The following CTNND2 variants were observed in gnomAD, a reference collection of about 807,000 sequenced individuals.
CTNND2 encodes the protein catenin delta-2.
A neutral mutation model predicts 144.4 loss-of-function variants in CTNND2; 22 were observed. The observed-to-expected ratio is 0.15, with a 90% confidence interval of 0.11 to 0.22. CTNND2 has a LOEUF of 0.22. CTNND2 is among the 10% of genes least tolerant of loss of function. The pLI is 1.00. For synonymous variants in CTNND2, 751 were observed against 695.6 expected (o/e 1.08, Z -1.25); for missense variants, 1,353 against 1,618.8 (o/e 0.84, Z 2.82).
intron 3 of CTNND2, among the ~76,000 whole-genome samples, chr5:11,483,888 C>A (rs1768530209): frequency 6.6e-6 from 1 of 152,180 alleles, no homozygotes; most frequent in South Asian, 2.1e-4. Flanking sequence ...CCTTTTACTG[C>A]CAGGCAGTCC....
At chr5:11,204,545 T>C (rs1396537941) in intron 10 of CTNND2, among the ~76,000 whole-genome samples, 3 of 152,184 alleles carry the variant, frequency 2.0e-5, no homozygotes, top group Non-Finnish European at 4.4e-5. Flanking sequence ...AGTAATGCAA[T>C]AGCACCTATT....
At chr5:11,835,842 G>T (rs529774286) in intron 1 of CTNND2, among the ~76,000 whole-genome samples, 1 of 151,776 alleles carries the variant, frequency 6.6e-6, no homozygotes, top group Non-Finnish European at 1.5e-5. Context: ...CCTTCTTTCT[G>T]TTTGTTTTGG....
At chr5:11,697,978 G>A (rs1785213931) in intron 2 of CTNND2, among the ~76,000 whole-genome samples, 1 of 152,166 alleles carries the variant, frequency 6.6e-6, no homozygotes, top group Non-Finnish European at 1.5e-5. Context: ...GCCACAGATA[G>A]GACCTTGCTT....
intron 9 of CTNND2, among the ~76,000 whole-genome samples, chr5:11,331,220 G>A (rs892771073): frequency 1.3e-5 from 2 of 152,182 alleles, no homozygotes; most frequent in Admixed American, 1.3e-4. Flanking sequence ...AGGGACAAGA[G>A]TACTGTTGGT....
At chr5:11,450,733 A>C (rs1765232927) in intron 3 of CTNND2, among the ~76,000 whole-genome samples, 1 of 151,834 alleles carries the variant, frequency 6.6e-6, no homozygotes, top group Non-Finnish European at 1.5e-5. Flanking sequence ...CCCCGTCCCT[A>C]CTAAAAATGC....
intron 3 of CTNND2, among the ~76,000 whole-genome samples, chr5:11,497,783 T>C (rs1455049777): frequency 6.6e-6 from 1 of 151,968 alleles, no homozygotes; most frequent in Non-Finnish European, 1.5e-5. Context: ...AGGGAAATGG[T>C]TTTGTGATGA....
intron 9 of CTNND2, among the ~76,000 whole-genome samples, chr5:11,262,132 G>A (rs192278321): frequency 1.5e-4 from 23 of 152,122 alleles, no homozygotes; most frequent in South Asian, 2.1e-4. Context: ...AGTTGTTTAC[G>A]TGTAAGATCT....
In CTNND2 at chr5:11,039,415, C is replaced by T. The variant is rs115258330; in HGVS notation, c.2789-16436G>A. Among the ~76,000 whole-genome samples the T allele has an allele frequency of 1.9e-3, 295 of 152,296 alleles. 1 individual carries two copies. The highest frequency in any genetic ancestry group is 6.8e-3 in the African/African-American group (284 of 41,540). ...GCTTTTTCTTTCTGTCTTCCTTTCACACAGTGGACGATGGCTGTGGCAACA... is the reference window on the plus strand; with the variant it reads ...GCTTTTTCTTTCTGTCTTCCTTTCATACAGTGGACGATGGCTGTGGCAACA... On this transcript the variant is annotated intron_variant, in intron 16 of 21. Transcript: ENST00000304623.
chr5:11,684,021 T>C (rs1029984694), intron 2 of CTNND2, among the ~76,000 whole-genome samples: 3 of 152,212 alleles, frequency 2.0e-5, no homozygotes, highest in South Asian at 2.1e-4. Context: ...CCTAATAATA[T>C]ACCATTATGA....
At chr5:11,488,466 C>A (rs991143115) in intron 3 of CTNND2, among the ~76,000 whole-genome samples, 8 of 152,240 alleles carry the variant, frequency 5.3e-5, no homozygotes, top group Middle Eastern at 3.4e-3. Context: ...GGTTCCATTA[C>A]ATATTTTACG....
At chr5:11,686,722 AT>A (rs879874575) in intron 2 of CTNND2, among the ~76,000 whole-genome samples, 10 of 149,882 alleles carry the variant, frequency 6.7e-5, no homozygotes, top group Admixed American at 3.3e-4. Context: ...TGCATATATA[AT>A]TTTTTAACAT....
chr5:11,697,839 T>C (rs981927418), intron 2 of CTNND2, among the ~76,000 whole-genome samples: 6 of 152,132 alleles, frequency 3.9e-5, no homozygotes, highest in Admixed American at 3.3e-4. Flanking sequence ...TAATTTAAAC[T>C]GCAGCCTAAA....
At position 11,465,160 on chromosome 5, in the gene CTNND2, C is replaced by T. The variant is rs145674912; in HGVS notation, c.288-53091G>A. Among the ~76,000 whole-genome samples the T allele has an allele frequency of 4.6e-3, 704 of 152,228 alleles. 5 individuals are homozygous for T. Among genetic ancestry groups the T allele is most frequent in the African/African-American group, 0.016 (652 of 41,532 alleles). ...ATAACTAAGATATTTTACATTTTTG[C>T]AGTAATTGTTCACATTGTTAATAAT... On this transcript the variant is annotated intron_variant, in intron 3 of 21. Transcript: ENST00000304623.
At chr5:11,713,827 A>G (rs1786179930) in intron 2 of CTNND2, among the ~76,000 whole-genome samples, 1 of 152,132 alleles carries the variant, frequency 6.6e-6, no homozygotes, top group Non-Finnish European at 1.5e-5. Flanking sequence ...GACTAAAATA[A>G]ATGGTTTGAA....
intron 1 of CTNND2, among the ~76,000 whole-genome samples, chr5:11,746,272 T>A (rs1326771770): frequency 3.3e-5 from 5 of 152,202 alleles, no homozygotes; most frequent in Non-Finnish European, 7.3e-5. Context: ...CCCTTTACCA[T>A]CACCAAGACT....
chr5:11,798,495 G>A (rs1791517063), intron 1 of CTNND2, among the ~76,000 whole-genome samples: 1 of 151,958 alleles, frequency 6.6e-6, no homozygotes, highest in Non-Finnish European at 1.5e-5. Context: ...TTGGCCAGGT[G>A]CAGTGGCTCA....
At chr5:11,218,995 AG>A (rs1364251376) in intron 10 of CTNND2, among the ~76,000 whole-genome samples, 4 of 152,200 alleles carry the variant, frequency 2.6e-5, no homozygotes, top group African/African-American at 7.2e-5. Flanking sequence ...GCTGGATATG[AG>A]ATGAGACCTT....
intron 1 of CTNND2, among the ~76,000 whole-genome samples, chr5:11,823,478 C>A (rs1161918988): frequency 6.6e-6 from 1 of 152,056 alleles, no homozygotes; most frequent in African/African-American, 2.4e-5. Flanking sequence ...CACTGGTGGC[C>A]AAATTGTTAA....
At chr5:11,879,271 T>C (rs1373644133) in intron 1 of CTNND2, among the ~76,000 whole-genome samples, 1 of 148,334 alleles carries the variant, frequency 6.7e-6, no homozygotes, top group Non-Finnish European at 1.5e-5. Context: ...TTTCTGGATA[T>C]GATTCACTGT....
Sources: gnomAD v4.1 joint callset for allele counts (sites outside exome capture counted in the v4.1 genomes callset) on GRCh38, gnomAD v4.1.1 for gene constraint, MANE v1.5 for transcripts, NCBI Gene and HGNC (gene_info 2026-07-23, HGNC 2026-07-21) for gene names.